The following PARP8 variants were observed in gnomAD, a reference collection of about 807,000 sequenced individuals.
The protein encoded by PARP8 is poly(ADP-ribose) polymerase family member 8, also known as protein mono-ADP-ribosyltransferase PARP8.
PARP8 carries 51 observed loss-of-function variants against 124.1 expected under a neutral mutation model. The observed-to-expected ratio is 0.41, with a 90% CI of 0.33 to 0.52. The LOEUF (loss-of-function observed/expected upper bound fraction) is 0.52. PARP8 is among the 20% of genes least tolerant of loss of function. The pLI is 0.21. For missense variants in PARP8, 860 were observed against 1,018.9 expected (o/e 0.84, Z 2.12); for synonymous variants, 391 against 361.5 (o/e 1.08, Z -0.93).
chr5:50,696,012 A>G (rs1752987210), intron 2 of PARP8, among the ~76,000 whole-genome samples: 1 of 152,200 alleles, frequency 6.6e-6, no homozygotes, highest in African/African-American at 2.4e-5. Flanking sequence ...TAAAAGTTAA[A>G]TCTGTACACC....
At chr5:50,672,230 T>C (rs1248731649) in intron 2 of PARP8, among the ~76,000 whole-genome samples, 1 of 152,238 alleles carries the variant, frequency 6.6e-6, no homozygotes. Flanking sequence ...ACCATGTCGT[T>C]ACAGTATATT....
intron 2 of PARP8, among the ~76,000 whole-genome samples, chr5:50,710,468 C>CT (rs913469452): frequency 5.9e-5 from 9 of 151,858 alleles, no homozygotes; most frequent in Admixed American, 1.3e-4. Context: ...TTATTTATAT[C>CT]TTTTTTTATT....
In PARP8 at chr5:50,666,696, C is replaced by G; in HGVS notation, c.-400C>G. On this transcript the variant is annotated 5_prime_UTR_variant, in exon 1 of 26. Transcript: ENST00000281631. ...CGCGCGTGAGCCGGAGCGGGGCTCG[C>G]CCCTCGCCGGCGCCCGCCGCCCAGC... is the stretch of plus-strand genomic sequence containing the variant. The G allele has an allele frequency of 4.9e-6, 1 of 202,764 alleles. No homozygotes were observed. Among genetic ancestry groups the G allele is most frequent in the Non-Finnish European group, 9.1e-6 (1 of 109,976 alleles). 12.6% of individuals were successfully genotyped at this position (202,764 alleles called of 1,614,324 possible). A position where few individuals can be genotyped will look rare whatever the true frequency, so the allele number is the denominator to read the frequency against.
chr5:50,840,698 A>G (rs1748085547), intron 25 of PARP8, among the ~76,000 whole-genome samples: 1 of 151,868 alleles, frequency 6.6e-6, no homozygotes, highest in Non-Finnish European at 1.5e-5. Flanking sequence ...TGATTCATGT[A>G]TAAAACCATC....
chr5:50,769,993 T>G (rs1761439426), intron 7 of PARP8, among the ~76,000 whole-genome samples: 1 of 152,116 alleles, frequency 6.6e-6, no homozygotes, highest in East Asian at 1.9e-4. Context: ...ATATAAGTAC[T>G]GTTTTTACTC....
At chr5:50,775,506 G>A (rs1739905803) in intron 7 of PARP8, among the ~76,000 whole-genome samples, 2 of 152,332 alleles carry the variant, frequency 1.3e-5, no homozygotes, top group South Asian at 2.1e-4. Context: ...GGCGAGCCGA[G>A]ATCAAGGCAG....
At chr5:50,722,561 A>G (rs1756004448) in intron 2 of PARP8, among the ~76,000 whole-genome samples, 1 of 152,054 alleles carries the variant, frequency 6.6e-6, no homozygotes, top group Non-Finnish European at 1.5e-5. Flanking sequence ...AGTTTTTGAA[A>G]TCTAGGTTTA....
intron 2 of PARP8, among the ~76,000 whole-genome samples, chr5:50,725,769 C>A (rs1554049971): frequency 6.6e-6 from 1 of 152,148 alleles, no homozygotes; most frequent in Non-Finnish European, 1.5e-5. Flanking sequence ...AGAAGTAGAT[C>A]TGCTGGATCT....
At chr5:50,800,664 T>C (rs1455215283) in intron 14 of PARP8, among the ~76,000 whole-genome samples, 1 of 152,250 alleles carries the variant, frequency 6.6e-6, no homozygotes, top group East Asian at 1.9e-4. Flanking sequence ...TTGATATTAC[T>C]ATGTTTTTCT....
chr5:50,756,226 G>A (rs1357829292), intron 3 of PARP8, among the ~76,000 whole-genome samples: 3 of 151,804 alleles, frequency 2.0e-5, no homozygotes, highest in Admixed American at 6.6e-5. Flanking sequence ...ATGTTGAATA[G>A]GAGTGGTGAG....
At chr5:50,721,128 C>A (rs1406601129) in intron 2 of PARP8, among the ~76,000 whole-genome samples, 2 of 147,566 alleles carry the variant, frequency 1.4e-5, no homozygotes, top group Non-Finnish European at 3.0e-5. Context: ...TGAAATATTT[C>A]TGAGATGGGA....
intron 14 of PARP8, among the ~76,000 whole-genome samples, chr5:50,813,313 C>A (rs1461225091): frequency 6.6e-6 from 1 of 152,088 alleles, no homozygotes; most frequent in African/African-American, 2.4e-5. Flanking sequence ...CTTCACATCC[C>A]TTGTAAGTTG....
chr5:50,667,574 A>T lies in PARP8; in HGVS notation c.91+388A>T, dbSNP rs1488581018. The T allele has an allele frequency of 8.6e-6, 6 of 698,688 alleles. 1 individual carries two copies. Among genetic ancestry groups the T allele is most frequent in the Middle Eastern group, 3.7e-4 (1 of 2,732 alleles). 43.3% of individuals were successfully genotyped at this position (698,688 alleles called of 1,614,324 possible). ...ATGGGCTGAGCGGCGGCGGCCGGGA[A>T]TGGAGCCTGCTGCGCTGCGCTGCGC... is the stretch of plus-strand genomic sequence containing the variant. On this transcript the variant is annotated intron_variant, in intron 1 of 25. Coordinates refer to ENST00000281631, the MANE Select transcript of PARP8 (RefSeq NM_024615.4).
chr5:50,830,084 A>G (rs1746777579), intron 22 of PARP8, 123 bp downstream of exon 22: 2 of 1,173,448 alleles, frequency 1.7e-6, no homozygotes, highest in South Asian at 6.6e-5. Flanking sequence ...TTTGTTTGCT[A>G]AATGTCAAAA....
chr5:50,675,887 G>A (rs1750575749), intron 2 of PARP8, among the ~76,000 whole-genome samples: 1 of 152,050 alleles, frequency 6.6e-6, no homozygotes, highest in Non-Finnish European at 1.5e-5. Flanking sequence ...TTAGAGACTA[G>A]AACTCCAACT....
intron 1 of PARP8, 146 bp downstream of exon 1, chr5:50,667,332 A>T (rs1749409292): frequency 5.8e-6 from 5 of 863,126 alleles, no homozygotes; most frequent in Non-Finnish European, 9.3e-6. Flanking sequence ...CGAGCGCGGG[A>T]GCCAAAAGGG....
rs997683879 is a variant in PARP8 at position 50,750,331 on chromosome 5, C to T, written c.184+143C>T. The T allele has an allele frequency of 1.1e-5, 7 of 662,552 alleles. No individual in the cohort carries two copies. In the South Asian group the frequency reaches 1.1e-4, roughly 10 times the overall value. The allele number at this position is 662,552 out of a possible 1,614,324, so 41.0% of individuals were successfully genotyped here. ...GCCTTAAAGCTATAGAAGAATTCTG[C>T]TTACTGCCTGCAAAGTACATGTCTT... is the stretch of plus-strand genomic sequence containing the variant. On this transcript the variant is annotated intron_variant, in intron 3 of 25. Transcript: ENST00000281631.
At chr5:50,752,603 G>A (rs1441855542) in intron 3 of PARP8, among the ~76,000 whole-genome samples, 2 of 151,934 alleles carry the variant, frequency 1.3e-5, no homozygotes, top group Middle Eastern at 3.4e-3. Flanking sequence ...TCTTCCGTCC[G>A]TTGGTTTGTC....
chr5:50,802,028 G>A (rs769242849), intron 14 of PARP8, among the ~76,000 whole-genome samples: 7 of 152,112 alleles, frequency 4.6e-5, no homozygotes, highest in Admixed American at 3.9e-4. Context: ...CTTGTTGATA[G>A]CAAATTGTTG....
Sources: allele counts gnomAD v4.1 joint callset (sites outside exome capture counted in the v4.1 genomes callset), GRCh38; gene constraint gnomAD v4.1.1; transcripts MANE v1.5; gene names NCBI Gene and HGNC (gene_info 2026-07-23, HGNC 2026-07-21).